Variants in DUSP14 observed in about 807,000 individuals in gnomAD.
DUSP14 encodes dual specificity phosphatase 14, also known as dual specificity protein phosphatase 14.
In DUSP14, 5 loss-of-function variants were observed where a neutral mutation model predicts 13.2. The observed-to-expected ratio is 0.38, with a 90% CI of 0.20 to 0.80. The LOEUF (loss-of-function observed/expected upper bound fraction) is 0.80. DUSP14 is among the 30% of genes least tolerant of loss of function. DUSP14 has a pLI of 0.44. For synonymous variants in DUSP14, 91 were observed against 103.4 expected, an observed-to-expected ratio of 0.88 and a Z score of 0.73; for missense variants, 185 against 264.0, an observed-to-expected ratio of 0.70 and a Z score of 2.07.
At chr17:37,511,780 T>C (rs28699427) in intron 2 of DUSP14, among the ~76,000 whole-genome samples, 1 of 150,462 alleles carries the variant, frequency 6.6e-6, no homozygotes, top group Admixed American at 6.6e-5. Flanking sequence ...AAATAAAAAA[T>C]AAAAAGTTTT....
intron 1 of DUSP14, among the ~76,000 whole-genome samples, chr17:37,505,952 G>A (rs1194929233): frequency 2.6e-5 from 4 of 152,050 alleles, no homozygotes; most frequent in Admixed American, 1.3e-4. Flanking sequence ...GACCAGCATC[G>A]TCTCTGAGAA....
intron 1 of DUSP14, among the ~76,000 whole-genome samples, chr17:37,506,927 G>T (rs2054141685): frequency 6.6e-6 from 1 of 152,140 alleles, no homozygotes; most frequent in Non-Finnish European, 1.5e-5. Flanking sequence ...TTCTTAGGCA[G>T]ATCCACACCC....
chr17:37,510,451 A>G (rs946260806), intron 1 of DUSP14: 4 of 152,308 alleles, frequency 2.6e-5, no homozygotes, highest in East Asian at 1.9e-4. Context: ...GTTATTGTCA[A>G]AACTCTTATT....
At chr17:37,497,170 A>G (rs1382611124) in intron 1 of DUSP14, among the ~76,000 whole-genome samples, 7 of 151,200 alleles carry the variant, frequency 4.6e-5, no homozygotes, top group African/African-American at 1.7e-4. Flanking sequence ...TTTTTTAAAG[A>G]CAGAGTCTCT....
intron 1 of DUSP14, among the ~76,000 whole-genome samples, chr17:37,496,061 A>G (rs546133754): frequency 1.6e-4 from 25 of 152,374 alleles, no homozygotes; most frequent in African/African-American, 5.3e-4. Flanking sequence ...AATTTTGCCA[A>G]TTTAGCTAAA....
chr17:37,498,339 T>TC, intron 1 of DUSP14, among the ~76,000 whole-genome samples: 1 of 94,956 alleles, frequency 1.1e-5, no homozygotes, highest in African/African-American at 4.8e-5. Context: ...TTTTTTTTTT[T>TC]TTTTTGAGAC....
At chr17:37,500,424 C>G (rs2054097494) in intron 1 of DUSP14, among the ~76,000 whole-genome samples, 1 of 152,160 alleles carries the variant, frequency 6.6e-6, no homozygotes, top group Non-Finnish European at 1.5e-5. Flanking sequence ...TGTTCTTTAT[C>G]TTCCCTTAAA....
intron 1 of DUSP14, among the ~76,000 whole-genome samples, chr17:37,496,128 C>T (rs1000465719): frequency 1.3e-5 from 2 of 152,046 alleles, no homozygotes; most frequent in Non-Finnish European, 2.9e-5. Context: ...TTATAAAACA[C>T]AAAACATTTA....
chr17:37,496,986 A>G (rs1349958637), intron 1 of DUSP14, among the ~76,000 whole-genome samples: 1 of 152,016 alleles, frequency 6.6e-6, no homozygotes, highest in African/African-American at 2.4e-5. Flanking sequence ...TCACCATTCA[A>G]AAATCATTGC....
intron 1 of DUSP14, among the ~76,000 whole-genome samples, chr17:37,509,291 A>AG (rs1209865751): frequency 6.8e-4 from 17 of 24,954 alleles, no homozygotes; most frequent in South Asian, 1.5e-3. Context: ...ATATATATAT[A>AG]TATATAGTGT....
intron 2 of DUSP14, among the ~76,000 whole-genome samples, chr17:37,511,938 C>CGTTTTTTTTTTTTTTTTTTTTT (rs1568206074): frequency 2.6e-5 from 1 of 38,246 alleles, no homozygotes; most frequent in African/African-American, 1.0e-4. Flanking sequence ...CCCCACCCCA[C>CGTTTTTTTTTTTTTTTTTTTTT]TTTTTTTTTT....
At chr17:37,509,126 TATACAC>T (rs1466221802) in intron 1 of DUSP14, among the ~76,000 whole-genome samples, 53 of 44,512 alleles carry the variant, frequency 1.2e-3, no homozygotes, top group Non-Finnish European at 1.4e-3. Context: ...TATATATATA[TATACAC>T]ACACACACAC....
In DUSP14 at chr17:37,513,097, G is replaced by A; in HGVS notation, c.*228G>A. The A allele has an allele frequency of 1.8e-6, 1 of 543,922 alleles. No homozygotes were observed. Among genetic ancestry groups the A allele is most frequent in the Non-Finnish European group, 3.3e-6 (1 of 301,534 alleles). 33.7% of individuals were successfully genotyped at this position (543,922 alleles called of 1,614,324 possible). On this transcript the variant is annotated 3_prime_UTR_variant, in exon 3 of 3. Coordinates refer to ENST00000617516, the MANE Select transcript of DUSP14 (RefSeq NM_007026.4). ...TTAACATTTTGGAATAGTGTTTATGGAAATCTTTAGCTTTTAATCATTTTT... is the reference window on the plus strand; with the variant it reads ...TTAACATTTTGGAATAGTGTTTATGAAAATCTTTAGCTTTTAATCATTTTT...
At chr17:37,504,086 C>G (rs1229615747) in intron 1 of DUSP14, among the ~76,000 whole-genome samples, 3 of 152,058 alleles carry the variant, frequency 2.0e-5, no homozygotes, top group Non-Finnish European at 4.4e-5. Context: ...CCCAGCTACT[C>G]GGGAGGCTGA....
At position 37,512,889 on chromosome 17, in the gene DUSP14, A is replaced by AG. The variant is rs1400212086; in HGVS notation, c.*21dup. On this transcript the variant is annotated 3_prime_UTR_variant, in exon 3 of 3. Transcript: ENST00000617516. This position sits in a 1 kb window ranked among gnomAD's most constrained non-coding sequence, Gnocchi z 4.8. ...ATTTAGTGCCACTGAAGCCTGCGTC[A>AG]GCAGCCCGAGCGGGGCCGGCATCTG... The AG allele has an allele frequency of 6.3e-7, 1 of 1,579,450 alleles. No homozygotes were observed. The highest frequency in any genetic ancestry group is 1.7e-5 in the Admixed American group (1 of 58,276).
intron 1 of DUSP14, among the ~76,000 whole-genome samples, chr17:37,492,294 G>A (rs1053908523): frequency 3.3e-5 from 5 of 152,156 alleles, no homozygotes; most frequent in Admixed American, 2.6e-4. Context: ...ATAAAGAAAC[G>A]TCAAAGGGAG....
chr17:37,509,226 TAC>T (rs1286531292), intron 1 of DUSP14, among the ~76,000 whole-genome samples: 2 of 122,296 alleles, frequency 1.6e-5, no homozygotes, highest in African/African-American at 3.2e-5. Context: ...ACACTATATA[TAC>T]ACACTATATA....
At chr17:37,507,707 G>A (rs1260309669) in intron 1 of DUSP14, among the ~76,000 whole-genome samples, 2 of 152,128 alleles carry the variant, frequency 1.3e-5, no homozygotes, top group Non-Finnish European at 2.9e-5. Context: ...CCAAAGTGCT[G>A]GGATTATAGG....
Position 37,509,277 on chromosome 17 carries a change from A to AG in DUSP14, c.-180-1400_-180-1399insG, listed in dbSNP as rs1437790126. ...TATATATATATATATATATATATATATATATATATATATATATATAGTGTG... is the reference window on the plus strand; with the variant it reads ...TATATATATATATATATATATATATAGTATATATATATATATATATAGTGTG... On this transcript the variant is annotated intron_variant, in intron 1 of 2. Transcript: ENST00000617516. 2.3e-3 allele frequency among the ~76,000 whole-genome samples: 128 copies of AG among 54,768 alleles called. 2 individuals are homozygous for AG. The highest frequency in any genetic ancestry group is 7.4e-3 in the African/African-American group (76 of 10,232). The allele number at this position is 54,768 out of a possible 152,430, so 35.9% of individuals were successfully genotyped here.
Sources: gnomAD v4.1 joint callset for allele counts (sites outside exome capture counted in the v4.1 genomes callset) on GRCh38, gnomAD v4.1.1 for gene constraint, Gnocchi (gnomAD v3.1) non-coding constraint, MANE v1.5 for transcripts, NCBI Gene and HGNC (gene_info 2026-07-23, HGNC 2026-07-21) for gene names.